The following MCM3AP variants were observed in gnomAD, a reference collection of about 807,000 sequenced individuals.
MCM3AP encodes the protein germinal-center associated nuclear protein.
In MCM3AP, 126 loss-of-function variants were observed where a neutral mutation model predicts 184.1. The ratio of observed to expected loss-of-function variants is 0.68; its 90% CI spans 0.59 to 0.79. The LOEUF (loss-of-function observed/expected upper bound fraction) is 0.79. Among genes scored for constraint, MCM3AP ranks in the 30% least tolerant of loss-of-function variants. The probability of loss-of-function intolerance (pLI) is 0.00; values close to 1 mark genes in which losing one functional copy is unlikely to be tolerated. For missense variants in MCM3AP, 2,496 were observed against 2,479.2 expected (o/e 1.01, Z -0.14); for synonymous variants, 1,002 against 979.3 (o/e 1.02, Z -0.43).
chr21:46,242,729 G>C, intron 25 of MCM3AP, 73 bp downstream of exon 25: 1 of 1,499,480 alleles, frequency 6.7e-7, no homozygotes, highest in South Asian at 1.2e-5. Context: ...CATGTAGGAT[G>C]TTAATTTCTA....
At chr21:46,262,594 G>A (rs977305688) in intron 13 of MCM3AP, among the ~76,000 whole-genome samples, 1 of 152,014 alleles carries the variant, frequency 6.6e-6, no homozygotes, top group African/African-American at 2.4e-5. Flanking sequence ...GCTGTGGTTA[G>A]CTGTGATTGT....
Position 46,266,118 on chromosome 21 carries a change from G to A in MCM3AP, c.2838C>T (p.Ser946=), listed in dbSNP as rs781242664. 6.2e-7 allele frequency: 1 copy of A among 1,611,998 alleles called. No homozygotes were observed. The highest frequency in any genetic ancestry group is 1.1e-5 in the South Asian group (1 of 90,120). The part of the protein sequence containing the change: ...RSAFLEPEGL[S]KTRKSVFITR... ...TAATAAACACCGACTTCCTGGTCTT[G>A]GATAATCCCTCTGGTTCCAGGAATG... is the stretch of plus-strand genomic sequence containing the variant. The change falls in exon 11 of 28, where the codon TCC becomes TCT. Residue 946 remains serine (S), a synonymous_variant. Transcript: ENST00000291688.
chr21:46,235,774 A>G lies in MCM3AP; in HGVS notation c.5785-348T>C, dbSNP rs137968446. ...CAGCTCAGCCTCCTGAGTAGCTGGGACAACAGGCATGTAGCACCATGCCTG... is the reference window on the plus strand; with the variant it reads ...CAGCTCAGCCTCCTGAGTAGCTGGGGCAACAGGCATGTAGCACCATGCCTG... On this transcript the variant is annotated intron_variant, in intron 27 of 27. Transcript: ENST00000291688. Among the ~76,000 whole-genome samples, 708 of 152,274 alleles carry G rather than the reference A, an allele frequency of 4.6e-3. 4 individuals carry two copies. The highest frequency in any genetic ancestry group is 0.014 in the Middle Eastern group (4 of 294).
chr21:46,283,906 C>A, intron 1 of MCM3AP, 68 bp from the exon 2 acceptor site: 1 of 1,549,840 alleles, frequency 6.5e-7, no homozygotes, highest in Non-Finnish European at 8.8e-7. Flanking sequence ...CCAACTGTGT[C>A]GAAGCAGAGG....
rs1442324708 is a variant in MCM3AP at position 46,235,395 on chromosome 21, G to T, written c.5816C>A (p.Ser1939Ter). ...GCCTAGACACGTTCCTGTCGCCTCT[G>T]ACAGCTGCAGTTGCTCCCTCATCAT... ...SDMMREQLQLSEATGTCLGER... is the reference protein window; with the variant it reads ...SDMMREQLQL The change falls in exon 28 of 28, where the codon TCA (serine) becomes TAA (stop). Residue 1939 changes from serine (S) to a stop codon, truncating the protein, a stop_gained. Transcript: ENST00000291688. LOFTEE classifies it high-confidence loss of function. 6.2e-7 allele frequency: 1 copy of T among 1,613,986 alleles called. No homozygotes were observed. The highest frequency in any genetic ancestry group is 1.7e-5 in the Admixed American group (1 of 60,000).
chr21:46,276,203 C>T (rs1183973130), intron 5 of MCM3AP, among the ~76,000 whole-genome samples: 4 of 151,058 alleles, frequency 2.6e-5, no homozygotes, highest in South Asian at 4.2e-4. Context: ...AGTGAGCTGA[C>T]GTTGCGCTCA....
intron 3 of MCM3AP, 83 bp from the exon 4 acceptor site, chr21:46,280,220 T>G: frequency 2.1e-6 from 3 of 1,411,770 alleles, no homozygotes; most frequent in Non-Finnish European, 3.0e-6. Flanking sequence ...TCTAAGAAAG[T>G]AATATTATTT....
chr21:46,267,368 A>G (rs2081126465), intron 9 of MCM3AP: 1 of 532,478 alleles, frequency 1.9e-6, no homozygotes, highest in Non-Finnish European at 3.4e-6. Context: ...CTCATAGAGA[A>G]GGATGGCTTG....
chr21:46,244,696 G>A (rs534903457), intron 23 of MCM3AP, 111 bp downstream of exon 23: 21 of 1,161,034 alleles, frequency 1.8e-5, no homozygotes, highest in Admixed American at 1.6e-4. Context: ...GGAGGTGGAC[G>A]TGCAGCCCTC....
At chr21:46,252,363 G>A (rs1406773792) in intron 19 of MCM3AP, 5 of 152,030 alleles carry the variant, frequency 3.3e-5, no homozygotes, top group African/African-American at 7.3e-5. Flanking sequence ...AGTGACATAC[G>A]AACTTAGCAA....
At chr21:46,244,371 T>C (rs2080727758) in intron 23 of MCM3AP, among the ~76,000 whole-genome samples, 2 of 152,180 alleles carry the variant, frequency 1.3e-5, no homozygotes, top group Admixed American at 6.6e-5. Flanking sequence ...GAAGGCCTCT[T>C]TGACAAAGAA....
chr21:46,239,976 C>G (rs942793284), intron 26 of MCM3AP, among the ~76,000 whole-genome samples: 1 of 152,146 alleles, frequency 6.6e-6, no homozygotes, highest in East Asian at 1.9e-4. Flanking sequence ...AAGTGAGTAT[C>G]ACAAGCGTTT....
At position 46,235,188 on chromosome 21, in the gene MCM3AP, T is replaced by TTC; in HGVS notation, c.*79_*80insGA. 2 of 1,403,286 alleles carry TTC rather than the reference T, an allele frequency of 1.4e-6. No homozygotes were observed. Among genetic ancestry groups the TTC allele is most frequent in the Non-Finnish European group, 2.0e-6 (2 of 1,003,456 alleles). The allele number at this position is 1,403,286 out of a possible 1,614,324, so 86.9% of individuals were successfully genotyped here. A position where few individuals can be genotyped will look rare whatever the true frequency, so the allele number is the denominator to read the frequency against. On this transcript the variant is annotated 3_prime_UTR_variant, in exon 28 of 28. Coordinates refer to ENST00000291688, the MANE Select transcript of MCM3AP (RefSeq NM_003906.5). Reference sequence around the variant, plus strand: ...AATTAATCACATTTCCAACAGTGCATCAAGCATCTGAGAATAACATTATTT... The same window carrying TTC: ...AATTAATCACATTTCCAACAGTGCATTCCAAGCATCTGAGAATAACATTATTT...
At chr21:46,276,935 G>C (rs992693397) in intron 5 of MCM3AP, among the ~76,000 whole-genome samples, 51 of 151,668 alleles carry the variant, frequency 3.4e-4, no homozygotes, top group African/African-American at 1.2e-3. Context: ...TTATTGTAGA[G>C]ATGGGGGTTT....
intron 14 of MCM3AP, 88 bp from the exon 15 acceptor site, chr21:46,260,994 G>A (rs2081034000): frequency 3.6e-6 from 4 of 1,100,904 alleles, no homozygotes; most frequent in Non-Finnish European, 4.1e-6. Context: ...CGCAGACAGG[G>A]ATTGAGGTGT....
At chr21:46,244,762 CTT>C (rs1418945796) in intron 23 of MCM3AP, 43 bp downstream of exon 23, 4 of 1,554,310 alleles carry the variant, frequency 2.6e-6, no homozygotes, top group Non-Finnish European at 3.5e-6. Flanking sequence ...AAGCCTGAGA[CTT>C]GGCTGCAGCC....
chr21:46,246,528 G>T, intron 21 of MCM3AP, 100 bp downstream of exon 21: 1 of 1,528,084 alleles, frequency 6.5e-7, no homozygotes, highest in Non-Finnish European at 9.1e-7. Context: ...TGCTGTCTCA[G>T]TGATTCCTGA....
chr21:46,254,879 G>A (rs2080924974), intron 17 of MCM3AP, 35 bp from the exon 18 acceptor site: 1 of 1,538,530 alleles, frequency 6.5e-7, no homozygotes, highest in African/African-American at 1.4e-5. Flanking sequence ...TGTCCCCGCA[G>A]GAGCTTAGTG....
intron 8 of MCM3AP, 54 bp from the exon 9 acceptor site, chr21:46,270,617 A>C (rs746249563): frequency 1.1e-4 from 163 of 1,423,752 alleles, no homozygotes; most frequent in Admixed American, 3.6e-4. Context: ...ATAAGACAAA[A>C]TTTTCATGAA....
Sources: gnomAD v4.1 joint callset for allele counts (sites outside exome capture counted in the v4.1 genomes callset) on GRCh38, gnomAD v4.1.1 for gene constraint, MANE v1.5 for transcripts, NCBI Gene and HGNC (gene_info 2026-07-23, HGNC 2026-07-21) for gene names.